PAK3: variants seen among roughly 807,000 people sequenced by gnomAD.
PAK3 encodes serine/threonine-protein kinase PAK 3.
Under a neutral mutation model 41.0 loss-of-function variants are expected in PAK3, and 4 were observed. That is an observed-to-expected ratio of 0.10 (90% confidence interval 0.05 to 0.22). The LOEUF is 0.22. PAK3 is among the 10% of genes least tolerant of loss of function. The probability of loss-of-function intolerance (pLI) is 1.00; values close to 1 mark genes in which losing one functional copy is unlikely to be tolerated. For missense variants in PAK3, 205 were observed against 409.9 expected, an observed-to-expected ratio of 0.50 and a Z score of 4.32; for synonymous variants, 146 against 139.6, an observed-to-expected ratio of 1.05 and a Z score of -0.32.
At chrX:111,192,679 A>T (rs2094571474) in intron 13 of PAK3, 61 bp downstream of exon 13, 2 of 590,997 alleles carry the variant, frequency 3.4e-6, no homozygotes, top group Non-Finnish European at 2.9e-6. Context: ...TTTCTTGGCA[A>T]ATTACTTTAT....
intron 4 of PAK3, among the ~76,000 whole-genome samples, chrX:111,118,960 T>C (rs1012108672): frequency 2.7e-5 from 3 of 111,287 alleles, no homozygotes; most frequent in Non-Finnish European, 5.7e-5. Flanking sequence ...ATTACCAAGA[T>C]GCATGGCAAC....
intron 5 of PAK3, among the ~76,000 whole-genome samples, chrX:111,135,338 A>T (rs186620695): frequency 1.2e-4 from 13 of 111,822 alleles, no homozygotes; most frequent in Admixed American, 4.7e-4. Context: ...TAATGAAATA[A>T]TTAGGCTTGA....
chrX:111,082,274 G>A (rs2092841112), intron 1 of PAK3, among the ~76,000 whole-genome samples: 1 of 111,524 alleles, frequency 9.0e-6, no homozygotes, highest in Non-Finnish European at 1.9e-5. Flanking sequence ...AAATAACTGG[G>A]TAGAGCTTAA....
At chrX:111,132,809 T>G (rs180816525) in intron 5 of PAK3, among the ~76,000 whole-genome samples, 1 of 111,815 alleles carries the variant, frequency 8.9e-6, no homozygotes, top group African/African-American at 3.2e-5. Context: ...CCTAGCTCTG[T>G]GCTGATTATT....
At position 110,965,655 on chromosome X, in the gene PAK3, A is replaced by T. The variant is rs771856962; in HGVS notation, c.-28+21027A>T. On this transcript the variant is annotated intron_variant, in intron 1 of 14. Coordinates refer to the PAK3 transcript ENST00000425146. Reference sequence around the variant, plus strand: ...GCTTAGGCAATCATTTGATTTATTCAAGCTTCAGTTTTGTCACTTCTCATA... The same window carrying T: ...GCTTAGGCAATCATTTGATTTATTCTAGCTTCAGTTTTGTCACTTCTCATA... 2.0e-4 allele frequency among the ~76,000 whole-genome samples: 22 copies of T among 112,538 alleles called. No individual in the cohort carries two copies. The Admixed American group carries it at 2.0e-3, about 10-fold the overall frequency.
rs1343372527 is a variant in PAK3 at position 111,220,853 on chromosome X, G to A, written c.*406G>A. On this transcript the variant is annotated 3_prime_UTR_variant, in exon 18 of 18. Coordinates refer to ENST00000372007, the MANE Select transcript of PAK3 (RefSeq NM_002578.5). ...CCTCCTTCAAAACTCCTTACCCAAT[G>A]TGATGTTTTTCACTTGCATTGTCAT... 9.2e-6 allele frequency: 1 copy of A among 108,874 alleles called. No homozygotes were observed. Among genetic ancestry groups the A allele is most frequent in the Non-Finnish European group, 1.8e-5 (1 of 54,834 alleles). The allele number at this position is 108,874 out of a possible 1,213,427, so 9.0% of individuals were successfully genotyped here.
At chrX:111,172,249 T>C (rs752141038) in intron 10 of PAK3, among the ~76,000 whole-genome samples, 3 of 112,224 alleles carry the variant, frequency 2.7e-5, no homozygotes, top group Non-Finnish European at 3.8e-5. Context: ...GACAACCTTT[T>C]TAATTTTAGC....
At chrX:111,091,298 C>T (rs1001166408), upstream of PAK3, among the ~76,000 whole-genome samples, 4 of 111,277 alleles carry the variant, frequency 3.6e-5, no homozygotes, top group African/African-American at 1.3e-4. Flanking sequence ...CAAGCTGCCA[C>T]CATTTAGGGA....
chrX:111,186,794 A>G (rs189791215), intron 11 of PAK3, among the ~76,000 whole-genome samples: 1 of 112,334 alleles, frequency 8.9e-6, no homozygotes, highest in African/African-American at 3.2e-5. Flanking sequence ...TTTATATTTC[A>G]TATGGAACCA....
intron 11 of PAK3, among the ~76,000 whole-genome samples, chrX:111,183,601 T>A (rs2094481067): frequency 9.0e-6 from 1 of 111,472 alleles, no homozygotes; most frequent in Non-Finnish European, 1.9e-5. Flanking sequence ...CATGCTGAAA[T>A]CAAAGTGACT....
chrX:111,116,428 A>T (rs1260926537), intron 4 of PAK3, among the ~76,000 whole-genome samples: 1 of 112,130 alleles, frequency 8.9e-6, no homozygotes, highest in Non-Finnish European at 1.9e-5. Flanking sequence ...GATAATCATT[A>T]GCATTTTCTG....
At chrX:111,145,745 T>C (rs1218196732) in intron 6 of PAK3, among the ~76,000 whole-genome samples, 1 of 112,044 alleles carries the variant, frequency 8.9e-6, no homozygotes, top group Non-Finnish European at 1.9e-5. Context: ...ATTTGAGATA[T>C]CTTTATTTAG....
intron 8 of PAK3, among the ~76,000 whole-genome samples, chrX:111,161,572 T>A (rs1029538957): frequency 2.3e-4 from 26 of 111,210 alleles, no homozygotes; most frequent in African/African-American, 5.6e-4. Flanking sequence ...ATTGCCTAGG[T>A]TTTCTTCCAG....
At chrX:111,027,447 CAA>C in intron 1 of PAK3, among the ~76,000 whole-genome samples, 1 of 111,487 alleles carries the variant, frequency 9.0e-6, no homozygotes, top group East Asian at 2.8e-4. Context: ...CCAGAGTCTA[CAA>C]AGAACTCAAA....
At chrX:110,955,277 C>T (rs937259654) in intron 1 of PAK3, among the ~76,000 whole-genome samples, 1 of 111,975 alleles carries the variant, frequency 8.9e-6, no homozygotes, top group African/African-American at 3.3e-5. Flanking sequence ...GGGCATTGAG[C>T]AATTTAACAT....
intron 11 of PAK3, among the ~76,000 whole-genome samples, chrX:111,182,234 G>T (rs763168177): frequency 3.6e-5 from 4 of 110,819 alleles, no homozygotes; most frequent in Admixed American, 9.6e-5. Context: ...GTGAGTAGCC[G>T]AGAGTTATCT....
intron 1 of PAK3, among the ~76,000 whole-genome samples, chrX:111,086,760 G>A (rs1236151187): frequency 3.6e-5 from 4 of 111,432 alleles, no homozygotes; most frequent in Non-Finnish European, 7.5e-5. Context: ...CCCTGAATGA[G>A]GGAAAGGCCA....
In PAK3 at chrX:111,223,184, G is replaced by A. The variant is rs1177896285; in HGVS notation, c.*2737G>A. The A allele has an allele frequency of 2.7e-5, 3 of 111,059 alleles. No individual in the cohort carries two copies. The highest frequency in any genetic ancestry group is 9.8e-5 in the African/African-American group (3 of 30,511). The allele number at this position is 111,059 out of a possible 1,213,427, so 9.2% of individuals were successfully genotyped here. A position where few individuals can be genotyped will look rare whatever the true frequency, so the allele number is the denominator to read the frequency against. On this transcript the variant is annotated 3_prime_UTR_variant, in exon 18 of 18. Coordinates refer to ENST00000372007, the MANE Select transcript of PAK3 (RefSeq NM_002578.5). ...AGGTGAGTCTATCCAAATCTTTGAT[G>A]TTGCTAGTGTGCCCTGAGATAACGA...
At chrX:110,956,843 G>A (rs1030197709) in intron 1 of PAK3, among the ~76,000 whole-genome samples, 3 of 111,836 alleles carry the variant, frequency 2.7e-5, no homozygotes, top group African/African-American at 9.8e-5. Context: ...TGCTGCCATA[G>A]TGACAATTCC....
Sources: allele counts gnomAD v4.1 joint callset (sites outside exome capture counted in the v4.1 genomes callset), GRCh38; gene constraint gnomAD v4.1.1; transcripts MANE v1.5; gene names NCBI Gene and HGNC (gene_info 2026-07-23, HGNC 2026-07-21).